Variants in MYRIP observed in about 807,000 individuals in gnomAD.
MYRIP encodes myosin VIIA and Rab interacting protein.
MYRIP carries 49 observed loss-of-function variants against 98.0 expected under a neutral mutation model. The ratio of observed to expected loss-of-function variants is 0.50; its 90% CI spans 0.40 to 0.63. MYRIP has a LOEUF of 0.63. Among genes scored for constraint, MYRIP ranks in the 30% least tolerant of loss-of-function variants. The pLI, the probability that MYRIP is intolerant of heterozygous loss-of-function variation, is 0.00. For missense variants in MYRIP, 1,004 were observed against 1,058.2 expected, an observed-to-expected ratio of 0.95 and a Z score of 0.71; for synonymous variants, 404 against 409.5, an observed-to-expected ratio of 0.99 and a Z score of 0.16.
intron 2 of MYRIP, among the ~76,000 whole-genome samples, chr3:39,957,003 C>T (rs529672096): frequency 6.6e-6 from 1 of 151,924 alleles, no homozygotes; most frequent in Non-Finnish European, 1.5e-5. Flanking sequence ...CCTGAATAGA[C>T]CAATAACAGG....
At chr3:40,183,615 G>A (rs1002008395) in intron 9 of MYRIP, among the ~76,000 whole-genome samples, 5 of 152,162 alleles carry the variant, frequency 3.3e-5, no homozygotes, top group Admixed American at 1.3e-4. Context: ...ATGAATGTCA[G>A]ACTAAAACTT....
At chr3:40,022,972 TATG>T (rs1947030463) in intron 2 of MYRIP, among the ~76,000 whole-genome samples, 1 of 152,126 alleles carries the variant, frequency 6.6e-6, no homozygotes, top group Admixed American at 6.5e-5. Flanking sequence ...TGACAATTCC[TATG>T]AGAAAATGTG....
intron 13 of MYRIP, among the ~76,000 whole-genome samples, chr3:40,246,372 T>C (rs993453587): frequency 2.0e-5 from 3 of 151,686 alleles, no homozygotes; most frequent in African/African-American, 7.3e-5. Context: ...CCATTGCACA[T>C]GAAAAGGAGG....
At chr3:40,073,776 T>G (rs1397301182) in intron 3 of MYRIP, among the ~76,000 whole-genome samples, 1 of 152,244 alleles carries the variant, frequency 6.6e-6, no homozygotes, top group Non-Finnish European at 1.5e-5. Context: ...TCTCTGCTCA[T>G]ATCTAGCAGC....
In MYRIP at chr3:39,994,432, C is replaced by T. The variant is rs191201980; in HGVS notation, c.111-49618C>T. Reference sequence around the variant, plus strand: ...GGAGGGTCCTATGCCCACGGAGCCTCGCTCATTGCTAGCACAGCAGTCTGA... The same window carrying T: ...GGAGGGTCCTATGCCCACGGAGCCTTGCTCATTGCTAGCACAGCAGTCTGA... On this transcript the variant is annotated intron_variant, in intron 2 of 16. Coordinates refer to ENST00000302541, the MANE Select transcript of MYRIP (RefSeq NM_015460.4). Among the ~76,000 whole-genome samples the T allele has an allele frequency of 1.6e-4, 25 of 152,328 alleles. No individual in the cohort carries two copies. In the East Asian group the frequency reaches 3.9e-3, roughly 24 times the overall value.
chr3:40,127,532 TG>T lies in MYRIP; in HGVS notation c.333-23515del, dbSNP rs1949548154. The stretch of plus-strand genomic sequence containing the variant: ...ATTCCTACATGAAATGAAGGCCACT[TG>T]CTGTAATCTATGAAATTAGTTATTA... On this transcript the variant is annotated intron_variant, in intron 3 of 16. Coordinates refer to ENST00000302541, the MANE Select transcript of MYRIP (RefSeq NM_015460.4). 2.0e-5 allele frequency among the ~76,000 whole-genome samples: 3 copies of T among 152,234 alleles called. No individual in the cohort carries two copies. In the South Asian group the frequency reaches 6.2e-4, roughly 32 times the overall value.
chr3:39,897,631 C>T (rs1943643283), intron 1 of MYRIP, among the ~76,000 whole-genome samples: 1 of 152,044 alleles, frequency 6.6e-6, no homozygotes, highest in Non-Finnish European at 1.5e-5. Flanking sequence ...ATTGTCATAC[C>T]TATGTGACCT....
At chr3:40,126,566 T>A (rs1949529518) in intron 3 of MYRIP, among the ~76,000 whole-genome samples, 1 of 152,246 alleles carries the variant, frequency 6.6e-6, no homozygotes, top group South Asian at 2.1e-4. Context: ...TGTCATTTAA[T>A]CTTTATAAAA....
At chr3:39,960,259 T>C (rs1356703665) in intron 2 of MYRIP, among the ~76,000 whole-genome samples, 1 of 152,036 alleles carries the variant, frequency 6.6e-6, no homozygotes, top group Admixed American at 6.6e-5. Flanking sequence ...ATAGTGTCAG[T>C]CCCTCTCCCC....
intron 3 of MYRIP, among the ~76,000 whole-genome samples, chr3:40,072,534 A>G (rs543477686): frequency 5.9e-5 from 9 of 152,298 alleles, no homozygotes; most frequent in African/African-American, 2.2e-4. Context: ...GTTTTTGCTA[A>G]ATACTGTTTT....
intron 2 of MYRIP, among the ~76,000 whole-genome samples, chr3:40,007,454 T>A (rs1047185002): frequency 6.6e-6 from 1 of 152,226 alleles, no homozygotes; most frequent in Non-Finnish European, 1.5e-5. Context: ...CTTCTGGCCT[T>A]AGCTCAGGTG....
chr3:39,893,674 TCACACACACACA>T (rs66667492), intron 1 of MYRIP, among the ~76,000 whole-genome samples: 2 of 147,068 alleles, frequency 1.4e-5, no homozygotes, highest in African/African-American at 5.0e-5. Flanking sequence ...TAAGTGGAAA[TCACACACACACA>T]CACACACACA....
rs948280006 is a variant in MYRIP, at chr3:40,168,808, C to T, written c.730-1142C>T. Among the ~76,000 whole-genome samples, 10 of 152,200 alleles carry T rather than the reference C, an allele frequency of 6.6e-5. 1 individual carries two copies. Among genetic ancestry groups the T allele is most frequent in the Admixed American group, 4.6e-4 (7 of 15,284 alleles). On this transcript the variant is annotated intron_variant, in intron 7 of 16. Transcript: ENST00000302541. ...TCATTGGCCAGAGCAAGTCACACAT[C>T]GAGCCCAAAGCCAAGGGCTGGGACG...
At chr3:40,177,638 A>G (rs1404882241) in intron 8 of MYRIP, among the ~76,000 whole-genome samples, 1 of 152,182 alleles carries the variant, frequency 6.6e-6, no homozygotes, top group African/African-American at 2.4e-5. Context: ...CTCTGCCAGT[A>G]TGGGGGTCAG....
intron 3 of MYRIP, among the ~76,000 whole-genome samples, chr3:40,127,885 T>G (rs948056661): frequency 6.6e-6 from 1 of 152,208 alleles, no homozygotes; most frequent in Non-Finnish European, 1.5e-5. Flanking sequence ...TGCTCCCTCA[T>G]CCCTCTGGCC....
intron 3 of MYRIP, among the ~76,000 whole-genome samples, chr3:40,069,881 T>C (rs1280291760): frequency 6.6e-6 from 1 of 152,202 alleles, no homozygotes; most frequent in Non-Finnish European, 1.5e-5. Flanking sequence ...AGCCAGTCCA[T>C]GGCCTGGAGG....
intron 3 of MYRIP, among the ~76,000 whole-genome samples, chr3:40,136,164 G>T (rs1427432794): frequency 6.6e-6 from 1 of 152,148 alleles, no homozygotes; most frequent in Non-Finnish European, 1.5e-5. Flanking sequence ...ACAAACATAG[G>T]CTCAAAATAA....
chr3:39,906,667 C>T (rs1943886155), intron 2 of MYRIP, among the ~76,000 whole-genome samples: 1 of 152,122 alleles, frequency 6.6e-6, no homozygotes, highest in Non-Finnish European at 1.5e-5. Flanking sequence ...AACCGGGCAC[C>T]TATGCCACAT....
intron 11 of MYRIP, among the ~76,000 whole-genome samples, chr3:40,226,603 A>C (rs1304387885): frequency 1.3e-5 from 2 of 152,164 alleles, no homozygotes; most frequent in East Asian, 3.9e-4. Context: ...GGGCTTTAAA[A>C]CCAGGCAGAC....
Sources: gnomAD v4.1 joint callset for allele counts (sites outside exome capture counted in the v4.1 genomes callset) on GRCh38, gnomAD v4.1.1 for gene constraint, MANE v1.5 for transcripts, NCBI Gene and HGNC (gene_info 2026-07-23, HGNC 2026-07-21) for gene names.